The following PBLD variants were observed in gnomAD, a reference collection of about 807,000 sequenced individuals.
PBLD encodes the protein phenazine biosynthesis like protein domain containing, also known as phenazine biosynthesis-like domain-containing protein.
PBLD carries 26 observed loss-of-function variants against 31.3 expected under a neutral mutation model. The ratio of observed to expected loss-of-function variants is 0.83; its 90% CI spans 0.61 to 1.15. The LOEUF (loss-of-function observed/expected upper bound fraction) is 1.15, where lower values mean the gene tolerates loss of function less well. Among genes scored for constraint, PBLD ranks in the 50% most tolerant of loss-of-function variants. The probability of loss-of-function intolerance (pLI) is 0.00; values close to 1 mark genes in which losing one functional copy is unlikely to be tolerated. For missense variants in PBLD, 307 were observed against 351.7 expected, an observed-to-expected ratio of 0.87 and a Z score of 1.02; for synonymous variants, 114 against 129.0, an observed-to-expected ratio of 0.88 and a Z score of 0.79.
At chr10:68,329,536 T>C (rs1004141882) in intron 1 of PBLD, among the ~76,000 whole-genome samples, 3 of 152,150 alleles carry the variant, frequency 2.0e-5, no homozygotes, top group Admixed American at 6.6e-5. Context: ...CCATGTAACT[T>C]GAACCCAGGA....
At position 68,292,140 on chromosome 10, in the gene PBLD, C is replaced by T. The variant is rs1280174782; in HGVS notation, c.382G>A (p.Ala128Thr). 6.2e-7 allele frequency: 1 copy of T among 1,613,416 alleles called. No homozygotes were observed. Among genetic ancestry groups the T allele is most frequent in the South Asian group, 1.1e-5 (1 of 91,056 alleles). Residue 128 changes from alanine to threonine, a missense_variant, in exon 5 of 10, where the codon GCC becomes ACC. Ala to Thr is a moderately conservative substitution (Grantham distance 58). Coordinates refer to ENST00000358769, the MANE Select transcript of PBLD (RefSeq NM_022129.4). ...TACAAAGAGCTGACCTGGGGGTGGG[C>T]TGGATAAAGAGGCAAGTCCAGGACG... is the stretch of plus-strand genomic sequence containing the variant. ...GIVLDLPLYP[A>T]HPQDFHEVED...
Position 68,292,162 on chromosome 10 carries a change from G to T in PBLD, c.360C>A (p.Val120=), listed in dbSNP as rs757611330. 3 of 1,614,022 alleles carry T rather than the reference G, an allele frequency of 1.9e-6. No individual in the cohort carries two copies. The highest frequency in any genetic ancestry group is 2.5e-6 in the Non-Finnish European group (3 of 1,180,008). The part of the protein sequence containing the change: ...LRARRAEDGI[V]LDLPLYPAHP... ...GGGCTGGATAAAGAGGCAAGTCCAG[G>T]ACGATGCCATCCTCTGCTCGTCTGG... The change falls in exon 5 of 10, where the codon GTC becomes GTA. Residue 120 remains valine, a synonymous_variant. Transcript: ENST00000358769.
At chr10:68,319,892 C>T (rs994362170) in intron 1 of PBLD, among the ~76,000 whole-genome samples, 4 of 149,246 alleles carry the variant, frequency 2.7e-5, no homozygotes, top group African/African-American at 7.4e-5. Context: ...GGTGCAATCT[C>T]GGCTCACGGC....
intron 4 of PBLD, among the ~76,000 whole-genome samples, chr10:68,295,271 C>A (rs7083858): frequency 0.79 from 119,733 of 152,046 alleles, 47,783 homozygotes; most frequent in Non-Finnish European, 0.86. Flanking sequence ...GGTGGGCAGA[C>A]CACTTGAGCT....
At chr10:68,310,645 T>A (rs2044654126) in intron 1 of PBLD, among the ~76,000 whole-genome samples, 2 of 146,332 alleles carry the variant, frequency 1.4e-5, no homozygotes, top group Non-Finnish European at 3.0e-5. Context: ...CATTCTACTC[T>A]CTACTTCTAC....
chr10:68,289,372 C>T (rs1246012698), intron 6 of PBLD, among the ~76,000 whole-genome samples: 1 of 151,964 alleles, frequency 6.6e-6, no homozygotes, highest in Non-Finnish European at 1.5e-5. Flanking sequence ...TACTAAAATA[C>T]AAAAATTAGT....
At chr10:68,327,948 G>T (rs2044950059) in intron 1 of PBLD, among the ~76,000 whole-genome samples, 1 of 152,098 alleles carries the variant, frequency 6.6e-6, no homozygotes, top group African/African-American at 2.4e-5. Flanking sequence ...GTTTTCATTT[G>T]TTTACTTAGT....
intron 8 of PBLD, chr10:68,286,979 A>T (rs2044296053): frequency 6.6e-6 from 1 of 152,108 alleles, no homozygotes; most frequent in African/African-American, 2.4e-5. Flanking sequence ...AATACAAAAA[A>T]TTAGCCTGGC....
intron 1 of PBLD, among the ~76,000 whole-genome samples, chr10:68,326,603 T>C (rs2044924553): frequency 1.3e-5 from 2 of 152,256 alleles, no homozygotes; most frequent in African/African-American, 4.8e-5. Context: ...AATTCACTGC[T>C]ATTAAATGAG....
chr10:68,319,054 A>AGAGAAAGAAAGAAAGAAAGAAG (rs1422943433), intron 1 of PBLD, among the ~76,000 whole-genome samples: 1 of 13,318 alleles, frequency 7.5e-5, no homozygotes, highest in East Asian at 2.7e-3. Flanking sequence ...AGAAAGAGAG[A>AGAGAAAGAAAGAAAGAAAGAAG]GAAAGAAAGA....
At chr10:68,299,045 G>T (rs10740292) in intron 2 of PBLD, among the ~76,000 whole-genome samples, 117,044 of 148,520 alleles carry the variant, frequency 0.79, 46,743 homozygotes, top group Middle Eastern at 0.87. Flanking sequence ...AGGCAGAGGT[G>T]GCAGTGAGCC....
intron 1 of PBLD, among the ~76,000 whole-genome samples, chr10:68,312,250 G>T (rs2044679122): frequency 6.6e-6 from 1 of 152,158 alleles, no homozygotes; most frequent in Non-Finnish European, 1.5e-5. Flanking sequence ...ATTTTTTGAG[G>T]CATCTCCATT....
chr10:68,305,479 G>A (rs2044564626), intron 2 of PBLD, among the ~76,000 whole-genome samples: 1 of 151,366 alleles, frequency 6.6e-6, no homozygotes, highest in African/African-American at 2.4e-5. Flanking sequence ...TGCTGGCCGG[G>A]CGCGGTGCTC....
intron 7 of PBLD, 116 bp from the exon 8 acceptor site, chr10:68,288,777 G>T: frequency 7.6e-7 from 1 of 1,317,868 alleles, no homozygotes; most frequent in Non-Finnish European, 1.1e-6. Flanking sequence ...GGAGGGGAAG[G>T]AAGAACAAGT....
chr10:68,283,816 G>T lies in PBLD; in HGVS notation c.*361C>A. 4.3e-6 allele frequency: 1 copy of T among 231,378 alleles called. No homozygotes were observed. Among genetic ancestry groups the T allele is most frequent in the South Asian group, 6.1e-5 (1 of 16,406 alleles). The allele number at this position is 231,378 out of a possible 1,614,324, so 14.3% of individuals were successfully genotyped here. A position where few individuals can be genotyped will look rare whatever the true frequency, so the allele number is the denominator to read the frequency against. ...GCTGGAGTGCAGTGGTGTGATCTCT[G>T]CTCACTGCAACTTCTGCCTCCTGGG... On this transcript the variant is annotated 3_prime_UTR_variant, in exon 10 of 10. Transcript: ENST00000358769.
chr10:68,306,977 A>G, intron 1 of PBLD, 74 bp from the exon 2 acceptor site: 1 of 631,978 alleles, frequency 1.6e-6, no homozygotes, highest in African/African-American at 1.8e-5. Flanking sequence ...CCCAGATACA[A>G]AGTCAAGCAA....
intron 1 of PBLD, chr10:68,332,055 C>T: frequency 6.5e-6 from 1 of 152,844 alleles, no homozygotes; most frequent in Non-Finnish European, 1.5e-5. Flanking sequence ...CCTCCCATCC[C>T]CCCAAGCCAG....
chr10:68,291,405 C>T (rs183593805), intron 6 of PBLD, among the ~76,000 whole-genome samples: 77 of 152,328 alleles, frequency 5.1e-4, no homozygotes, highest in Non-Finnish European at 1.6e-4. Context: ...CTTGTCTTAT[C>T]TGCAAGGTAC....
intron 6 of PBLD, among the ~76,000 whole-genome samples, chr10:68,289,894 G>A (rs1307852400): frequency 6.6e-6 from 1 of 152,138 alleles, no homozygotes; most frequent in African/African-American, 2.4e-5. Context: ...TGGAAGGAGG[G>A]ACTAGAGGGC....
Sources: gnomAD v4.1 joint callset for allele counts (sites outside exome capture counted in the v4.1 genomes callset) on GRCh38, gnomAD v4.1.1 for gene constraint, MANE v1.5 for transcripts, NCBI Gene and HGNC (gene_info 2026-07-23, HGNC 2026-07-21) for gene names.